SFMBT1: variants seen among roughly 807,000 people sequenced by gnomAD.
The protein encoded by SFMBT1 is scm-like with four MBT domains protein 1.
A neutral mutation model predicts 108.7 loss-of-function variants in SFMBT1; 32 were observed. The ratio of observed to expected loss-of-function variants is 0.29; its 90% CI spans 0.22 to 0.40. The LOEUF (loss-of-function observed/expected upper bound fraction) is 0.40. SFMBT1 is among the 10% of genes least tolerant of loss of function. The probability of loss-of-function intolerance (pLI) is 1.00; values close to 1 mark genes in which losing one functional copy is unlikely to be tolerated. For synonymous variants in SFMBT1, 348 were observed against 369.5 expected (o/e 0.94, Z 0.67); for missense variants, 816 against 1,059.6 (o/e 0.77, Z 3.19).
chr3:52,919,390 T>A (rs1321265135), intron 12 of SFMBT1, among the ~76,000 whole-genome samples: 1 of 152,212 alleles, frequency 6.6e-6, no homozygotes. Context: ...GGATGAACTC[T>A]GAGAGCAGTA....
At chr3:52,990,744 TA>T in intron 1 of SFMBT1, among the ~76,000 whole-genome samples, 1 of 152,260 alleles carries the variant, frequency 6.6e-6, no homozygotes, top group African/African-American at 2.4e-5. Context: ...TTCTCAACTT[TA>T]ACAAATACTA....
At position 52,945,140 on chromosome 3, in the gene SFMBT1, A is replaced by AAAAAAAAAAC. The variant is rs1553636683; in HGVS notation, c.124-1548_124-1547insGTTTTTTTTT. On this transcript the variant is annotated intron_variant, in intron 3 of 20. Coordinates refer to ENST00000394752, the MANE Select transcript of SFMBT1 (RefSeq NM_016329.4). ...TTCCAAATACCACCTTCCAATTAAA[A>AAAAAAAAAAC]AAAAAAAAAAACAAGGACTTCAGGG... is the stretch of plus-strand genomic sequence containing the variant. Among the ~76,000 whole-genome samples, 3 of 146,172 alleles carry AAAAAAAAAAC rather than the reference A, an allele frequency of 2.1e-5. 1 individual carries two copies. Among genetic ancestry groups the AAAAAAAAAAC allele is most frequent in the Non-Finnish European group, 4.5e-5 (3 of 66,210 alleles).
chr3:52,904,964 G>T lies in SFMBT1; in HGVS notation c.*172C>A. 2 of 700,108 alleles carry T rather than the reference G, an allele frequency of 2.9e-6. No individual in the cohort carries two copies. Among genetic ancestry groups the T allele is most frequent in the Non-Finnish European group, 2.2e-6 (1 of 448,128 alleles). The allele number at this position is 700,108 out of a possible 1,614,324, so 43.4% of individuals were successfully genotyped here. On this transcript the variant is annotated 3_prime_UTR_variant, in exon 21 of 21. Transcript: ENST00000394752. ...CCACCAGCAGGTGATCCACTTCTGTGCACAGTTTTTGCTTCCTCACTGTGA... is the reference window on the plus strand; with the variant it reads ...CCACCAGCAGGTGATCCACTTCTGTTCACAGTTTTTGCTTCCTCACTGTGA...
intron 3 of SFMBT1, among the ~76,000 whole-genome samples, chr3:52,947,938 T>C (rs1486956268): frequency 1.3e-5 from 2 of 152,148 alleles, no homozygotes; most frequent in Non-Finnish European, 2.9e-5. Flanking sequence ...TTTCACCATG[T>C]TGTCTAGGCT....
At chr3:52,917,796 C>A (rs940760947) in intron 13 of SFMBT1, among the ~76,000 whole-genome samples, 3 of 152,146 alleles carry the variant, frequency 2.0e-5, no homozygotes, top group African/African-American at 7.2e-5. Context: ...GGAACAGTTT[C>A]ATCCCAAAAC....
chr3:52,929,179 T>C (rs1214370271), intron 8 of SFMBT1, among the ~76,000 whole-genome samples: 1 of 152,216 alleles, frequency 6.6e-6, no homozygotes, highest in African/African-American at 2.4e-5. Context: ...TTTAAGCTTA[T>C]GCTACTATGT....
chr3:52,905,134 TCTCAGTTGGCAAA>T lies in SFMBT1; in HGVS notation c.2590_*1del. 6.2e-7 allele frequency: 1 copy of T among 1,613,444 alleles called. No homozygotes were observed. Among genetic ancestry groups the T allele is most frequent in the South Asian group, 1.1e-5 (1 of 90,850 alleles). The stretch of plus-strand genomic sequence containing the variant: ...AGATCCAGCTCACTTTGGTTGTCCT[TCTCAGTTGGCAAA>T]CTGCTCATAAAAAGCAAACTTGATC... On this transcript the variant is annotated stop_lost and 3_prime_UTR_variant, in exon 21 of 21. Coordinates refer to ENST00000394752, the MANE Select transcript of SFMBT1 (RefSeq NM_016329.4).
intron 6 of SFMBT1, 56 bp downstream of exon 6, chr3:52,932,006 T>A (rs1559515599): frequency 1.3e-6 from 2 of 1,564,900 alleles, no homozygotes; most frequent in Non-Finnish European, 1.7e-6. Flanking sequence ...GCCTCATAGA[T>A]ATTAATAACA....
At chr3:52,916,120 T>G in intron 14 of SFMBT1, 30 bp downstream of exon 14, 1 of 1,597,768 alleles carries the variant, frequency 6.3e-7, no homozygotes, top group Non-Finnish European at 8.6e-7. Context: ...AACTAAGTCT[T>G]CTTTTCCTTA....
intron 1 of SFMBT1, among the ~76,000 whole-genome samples, chr3:52,972,092 A>G (rs755902929): frequency 2.6e-5 from 4 of 152,250 alleles, no homozygotes; most frequent in Non-Finnish European, 5.9e-5. Context: ...GTTTTGATAG[A>G]ACGAAGTCAG....
chr3:53,022,153 G>C (rs1445951115), intron 1 of SFMBT1, among the ~76,000 whole-genome samples: 4 of 152,174 alleles, frequency 2.6e-5, no homozygotes, highest in Non-Finnish European at 4.4e-5. Context: ...TTCTACTGTA[G>C]AAACAGCCTA....
chr3:52,911,263 AT>A, intron 16 of SFMBT1, 85 bp from the exon 17 acceptor site: 1 of 1,386,502 alleles, frequency 7.2e-7, no homozygotes, highest in East Asian at 2.3e-5. Flanking sequence ...CACCTAAAAA[AT>A]ATTTTTGCTT....
intron 1 of SFMBT1, among the ~76,000 whole-genome samples, chr3:53,016,721 C>T (rs1376337987): frequency 1.3e-5 from 2 of 152,078 alleles, no homozygotes; most frequent in African/African-American, 4.8e-5. Context: ...ATTTATTCTC[C>T]CATTCTGTGG....
chr3:52,953,573 T>A (rs968897385), intron 3 of SFMBT1, among the ~76,000 whole-genome samples: 1 of 152,124 alleles, frequency 6.6e-6, no homozygotes, highest in Admixed American at 6.6e-5. Context: ...TGTTAGGGCA[T>A]AAAACCAGGC....
chr3:52,969,204 A>G lies in SFMBT1; in HGVS notation c.-76T>C. The G allele has an allele frequency of 6.3e-7, 1 of 1,596,138 alleles. No individual in the cohort carries two copies. ...ATGGTTCTGCTAGGATCTGAAGATT[A>G]CTTGCAGGTTTCAAGCATCTGTTCA... On this transcript the variant is annotated 5_prime_UTR_variant, in exon 2 of 21. The change abolishes the stop of an existing upstream ORF in the 5' untranslated region. Transcript: ENST00000394752.
At chr3:53,030,113 G>A (rs527667955) in intron 1 of SFMBT1, among the ~76,000 whole-genome samples, 1 of 152,008 alleles carries the variant, frequency 6.6e-6, no homozygotes, top group South Asian at 2.1e-4. Flanking sequence ...AAATAAATAT[G>A]GAAACAAATA....
At chr3:53,017,548 C>T (rs1031590320) in intron 1 of SFMBT1, among the ~76,000 whole-genome samples, 1 of 152,152 alleles carries the variant, frequency 6.6e-6, no homozygotes. Flanking sequence ...TTAAGTCTTA[C>T]ACAGTTAGTA....
At chr3:52,941,628 C>G (rs1023453945) in intron 4 of SFMBT1, among the ~76,000 whole-genome samples, 1 of 134,158 alleles carries the variant, frequency 7.5e-6, no homozygotes, top group African/African-American at 2.7e-5. Flanking sequence ...GTTATTGGGC[C>G]AGGTGTGGTG....
intron 20 of SFMBT1, among the ~76,000 whole-genome samples, chr3:52,905,861 T>A (rs1260700383): frequency 6.6e-6 from 1 of 152,136 alleles, no homozygotes; most frequent in Non-Finnish European, 1.5e-5. Flanking sequence ...TTAAGCATGG[T>A]ATGCTTGATA....
Sources: gnomAD v4.1 joint callset for allele counts (sites outside exome capture counted in the v4.1 genomes callset) on GRCh38, gnomAD v4.1.1 for gene constraint, MANE v1.5 for transcripts, NCBI Gene and HGNC (gene_info 2026-07-23, HGNC 2026-07-21) for gene names.